NOVA1: variants seen among roughly 807,000 people sequenced by gnomAD.
NOVA1 encodes the protein RNA-binding protein Nova-1.
In NOVA1, 7 loss-of-function variants were observed where a neutral mutation model predicts 38.0. The observed-to-expected ratio is 0.18, with a 90% CI of 0.10 to 0.35. The LOEUF is 0.35. NOVA1 is among the 10% of genes least tolerant of loss of function. The probability of loss-of-function intolerance (pLI) is 1.00; values close to 1 mark genes in which losing one functional copy is unlikely to be tolerated. For synonymous variants in NOVA1, 270 were observed against 232.5 expected, an observed-to-expected ratio of 1.16 and a Z score of -1.47; for missense variants, 460 against 616.0, an observed-to-expected ratio of 0.75 and a Z score of 2.68.
chr14:26,552,922 G>C (rs895945076), intron 2 of NOVA1, among the ~76,000 whole-genome samples: 10 of 152,168 alleles, frequency 6.6e-5, no homozygotes, highest in African/African-American at 2.2e-4. Flanking sequence ...AAAGCTCTGA[G>C]ATAGGAACAT....
intron 2 of NOVA1, among the ~76,000 whole-genome samples, chr14:26,554,151 G>T (rs1468132541): frequency 7.7e-6 from 1 of 130,530 alleles, no homozygotes; most frequent in Non-Finnish European, 1.6e-5. Flanking sequence ...AGAAAGAAAA[G>T]GAAGAAAAAG....
At chr14:26,488,386 G>A (rs1231814454) in intron 2 of NOVA1, among the ~76,000 whole-genome samples, 1 of 152,156 alleles carries the variant, frequency 6.6e-6, no homozygotes, top group Non-Finnish European at 1.5e-5. Context: ...TTCATTCTCT[G>A]TCTCATCATG....
At chr14:26,514,835 T>C (rs1437641857) in intron 2 of NOVA1, among the ~76,000 whole-genome samples, 1 of 151,934 alleles carries the variant, frequency 6.6e-6, no homozygotes, top group Non-Finnish European at 1.5e-5. Context: ...AAAAACTATA[T>C]ACATTTGTTT....
intron 2 of NOVA1, chr14:26,519,242 C>CAAATGAA (rs1888698033): frequency 6.6e-6 from 1 of 152,020 alleles, no homozygotes; most frequent in African/African-American, 2.4e-5. Context: ...TATTAAGTTA[C>CAAATGAA]ACTCACAAAT....
intron 2 of NOVA1, among the ~76,000 whole-genome samples, chr14:26,538,289 A>T (rs1198552421): frequency 6.6e-6 from 1 of 152,172 alleles, no homozygotes; most frequent in Non-Finnish European, 1.5e-5. Flanking sequence ...GTAAAATAGC[A>T]AGATACAATT....
At chr14:26,554,539 T>C (rs1323102840) in intron 2 of NOVA1, among the ~76,000 whole-genome samples, 1 of 152,116 alleles carries the variant, frequency 6.6e-6, no homozygotes, top group African/African-American at 2.4e-5. Context: ...CTTTACTACA[T>C]TAAAGTCAGA....
At chr14:26,524,536 CATAGGGAGAT>C (rs1372901743) in intron 2 of NOVA1, among the ~76,000 whole-genome samples, 2 of 152,060 alleles carry the variant, frequency 1.3e-5, no homozygotes, top group East Asian at 3.9e-4. Context: ...TCTGTCACAT[CATAGGGAGAT>C]ACAGAGGGCT....
intron 2 of NOVA1, among the ~76,000 whole-genome samples, chr14:26,493,659 C>T (rs1421310509): frequency 6.6e-6 from 1 of 152,304 alleles, no homozygotes; most frequent in Middle Eastern, 3.4e-3. Context: ...TGGTCACTCA[C>T]TAGCCTCTAA....
At position 26,456,391 on chromosome 14, in the gene NOVA1, A is replaced by C. The variant is rs1231902202; in HGVS notation, c.520-7428T>G. On this transcript the variant is annotated intron_variant, in intron 4 of 4. Transcript: ENST00000539517. Reference sequence around the variant, plus strand: ...GTCTGGAGGCCAGGGGAAACGTGGGAGTTAACATACAAATTGTATTTAAAG... The same window carrying C: ...GTCTGGAGGCCAGGGGAAACGTGGGCGTTAACATACAAATTGTATTTAAAG... 2.6e-5 allele frequency among the ~76,000 whole-genome samples: 4 copies of C among 151,984 alleles called. 1 individual carries two copies. In the South Asian group the frequency reaches 6.2e-4, roughly 24 times the overall value.
At chr14:26,525,588 T>C (rs1259418901) in intron 2 of NOVA1, among the ~76,000 whole-genome samples, 4 of 152,162 alleles carry the variant, frequency 2.6e-5, no homozygotes, top group South Asian at 2.1e-4. Context: ...CCATTTATAA[T>C]AGGTCCACAT....
At chr14:26,547,177 C>T (rs962935542) in intron 2 of NOVA1, among the ~76,000 whole-genome samples, 38 of 151,652 alleles carry the variant, frequency 2.5e-4, no homozygotes, top group Non-Finnish European at 1.0e-4. Flanking sequence ...TTCTGAATTC[C>T]AAAATTATTA....
rs762921221 is a variant in NOVA1 at position 26,448,115 on chromosome 14, C to T, written c.1368G>A (p.Gln456=). The change falls in exon 5 of 5, where the codon CAG becomes CAA. Residue 456 remains glutamine (Q), a synonymous_variant. Transcript: ENST00000539517. This position sits in a 1 kb window ranked among gnomAD's most constrained non-coding sequence, Gnocchi z 5.3. ...GTACGAATTCTCCTTTTTTGGAGAT[C>T]TGTATCCTTGCACCAGTCAACTCCT... ...EYQELTGARI[Q]ISKKGEFVPG... is the part of the protein sequence containing the mutation. The T allele has an allele frequency of 2.5e-6, 4 of 1,614,142 alleles. No individual in the cohort carries two copies. In the South Asian group the frequency reaches 4.4e-5, roughly 18 times the overall value.
rs1220186616 is a variant in NOVA1, at chr14:26,447,351, T to A, written c.*608A>T. 2 of 153,436 alleles carry A rather than the reference T, an allele frequency of 1.3e-5. No homozygotes were observed. Among genetic ancestry groups the A allele is most frequent in the African/African-American group, 2.4e-5 (1 of 41,474 alleles). The allele number at this position is 153,436 out of a possible 1,614,324, so 9.5% of individuals were successfully genotyped here. Reference sequence around the variant, plus strand: ...CATTATTTCCATTGTCTAGTTCAGATGGAGAACAGGTGCTTTTATTGATCT... The same window carrying A: ...CATTATTTCCATTGTCTAGTTCAGAAGGAGAACAGGTGCTTTTATTGATCT... On this transcript the variant is annotated 3_prime_UTR_variant, in exon 5 of 5. Coordinates refer to ENST00000539517, the MANE Select transcript of NOVA1 (RefSeq NM_002515.3).
intron 2 of NOVA1, among the ~76,000 whole-genome samples, chr14:26,591,009 A>G (rs1893811550): frequency 1.3e-5 from 2 of 151,806 alleles, no homozygotes; most frequent in South Asian, 4.1e-4. Context: ...TCATCTTTCT[A>G]AAAACCCCAC....
chr14:26,564,402 G>A (rs570249613), intron 2 of NOVA1, among the ~76,000 whole-genome samples: 19 of 152,172 alleles, frequency 1.2e-4, no homozygotes, highest in African/African-American at 4.6e-4. Context: ...CTTTACACAT[G>A]AAAAAATGGA....
At position 26,469,808 on chromosome 14, in the gene NOVA1, C is replaced by T. The variant is rs145930243; in HGVS notation, c.519+2512G>A. Among the ~76,000 whole-genome samples the T allele has an allele frequency of 1.4e-3, 220 of 152,116 alleles. 4 individuals carry two copies. In the East Asian group the frequency reaches 0.03, roughly 21 times the overall value. The stretch of plus-strand genomic sequence containing the variant: ...CAGGGTCTTGGCTATGTTATGTTGC[C>T]CAGGATGGTCTCAAACTCCTGGCCT... On this transcript the variant is annotated intron_variant, in intron 4 of 4. Transcript: ENST00000539517.
At chr14:26,485,366 C>T (rs150814355) in intron 2 of NOVA1, among the ~76,000 whole-genome samples, 9 of 151,872 alleles carry the variant, frequency 5.9e-5, no homozygotes, top group Admixed American at 3.9e-4. Context: ...AGATATATTT[C>T]GGAAAATGAT....
chr14:26,475,713 G>C (rs1222765713), intron 3 of NOVA1, among the ~76,000 whole-genome samples: 2 of 152,106 alleles, frequency 1.3e-5, no homozygotes, highest in East Asian at 3.9e-4. Context: ...TAAAACAGTG[G>C]ATCTTTTGGA....
intron 2 of NOVA1, among the ~76,000 whole-genome samples, chr14:26,557,128 C>T (rs1472272764): frequency 2.0e-5 from 3 of 152,150 alleles, no homozygotes; most frequent in Non-Finnish European, 4.4e-5. Flanking sequence ...ACTGCAATAA[C>T]CTTCCCTTAA....
Sources: allele counts gnomAD v4.1 joint callset (sites outside exome capture counted in the v4.1 genomes callset), GRCh38; gene constraint gnomAD v4.1.1; non-coding constraint Gnocchi (gnomAD v3.1); transcripts MANE v1.5; gene names NCBI Gene and HGNC (gene_info 2026-07-23, HGNC 2026-07-21).